Variants in UGT1A8 observed in about 807,000 individuals in gnomAD.
UGT1A8 encodes UDP-glucuronosyltransferase 1A8.
Under a neutral mutation model 45.3 loss-of-function variants are expected in UGT1A8, and 39 were observed. The observed-to-expected ratio is 0.86, with a 90% CI of 0.67 to 1.12. The LOEUF (loss-of-function observed/expected upper bound fraction) is 1.12. Ranked by LOEUF, UGT1A8 falls within the 50% of genes most tolerant of loss-of-function variation. UGT1A8 has a pLI of 0.00. For missense variants in UGT1A8, 719 were observed against 664.9 expected, an observed-to-expected ratio of 1.08 and a Z score of -0.90; for synonymous variants, 275 against 249.2, an observed-to-expected ratio of 1.10 and a Z score of -0.97.
rs541532523 is a variant in UGT1A8, at chr2:233,772,760, G to A, written c.*201G>A. The A allele has an allele frequency of 2.4e-5, 33 of 1,393,894 alleles. No homozygotes were observed. The South Asian group carries it at 2.9e-4, about 12-fold the overall frequency. The allele number at this position is 1,393,894 out of a possible 1,614,324, so 86.3% of individuals were successfully genotyped here. A position where few individuals can be genotyped will look rare whatever the true frequency, so the allele number is the denominator to read the frequency against. On this transcript the variant is annotated 3_prime_UTR_variant, in exon 5 of 5. Transcript: ENST00000373450. ...CAGTAAAGATATTTGAATATGTATC[G>A]TGCCCCCTCTGGTGTCTTTGATCAG...
chr2:233,769,458 C>G lies in UGT1A8; in HGVS notation c.1295+1019C>G, dbSNP rs896047328. On this transcript the variant is annotated intron_variant, in intron 4 of 4. Coordinates refer to ENST00000373450, the MANE Select transcript of UGT1A8 (RefSeq NM_019076.5). This position sits in a 1 kb window ranked among gnomAD's most constrained non-coding sequence, Gnocchi z 4.4. ...ATGTGTGGGTGCACACGTGTGCATTCATATGCGTGTGTGTGTGTGTGCGTG... is the reference window on the plus strand; with the variant it reads ...ATGTGTGGGTGCACACGTGTGCATTGATATGCGTGTGTGTGTGTGTGCGTG... The G allele has an allele frequency of 2.5e-6, 4 of 1,593,602 alleles. No individual in the cohort carries two copies. The African/African-American group carries it at 4.0e-5, about 16-fold the overall frequency.
At chr2:233,622,566 T>C (rs184213810) in intron 1 of UGT1A8, among the ~76,000 whole-genome samples, 5 of 152,318 alleles carry the variant, frequency 3.3e-5, no homozygotes, top group Admixed American at 6.5e-5. Flanking sequence ...TTGCCCACTT[T>C]TGATGGGGTT....
At chr2:233,724,531 C>G (rs557040072) in intron 1 of UGT1A8, among the ~76,000 whole-genome samples, 1 of 121,546 alleles carries the variant, frequency 8.2e-6, no homozygotes, top group African/African-American at 3.4e-5. Flanking sequence ...GGGGTCTCGC[C>G]GGGCAGAGGC....
chr2:233,693,900 T>C, intron 1 of UGT1A8: 4 of 1,613,588 alleles, frequency 2.5e-6, no homozygotes, highest in African/African-American at 1.3e-5. Context: ...CTGCCTTGTT[T>C]CTTCCAGGCT....
chr2:233,727,225 C>T (rs1417750017), intron 1 of UGT1A8, among the ~76,000 whole-genome samples: 8 of 152,168 alleles, frequency 5.3e-5, no homozygotes, highest in South Asian at 4.1e-4. Context: ...TCCACATATG[C>T]GGATGGCTCC....
intron 1 of UGT1A8, among the ~76,000 whole-genome samples, chr2:233,619,436 C>A (rs1013518762): frequency 1.3e-5 from 2 of 151,954 alleles, no homozygotes; most frequent in Admixed American, 6.6e-5. Flanking sequence ...TTTCTATATT[C>A]TTGCTTTTAT....
chr2:233,647,054 C>T (rs2073624214), intron 1 of UGT1A8, among the ~76,000 whole-genome samples: 1 of 152,174 alleles, frequency 6.6e-6, no homozygotes, highest in African/African-American at 2.4e-5. Context: ...TCACATCCTC[C>T]ATGGATGGCA....
At chr2:233,738,189 CCTCT>C (rs563579368) in intron 1 of UGT1A8, among the ~76,000 whole-genome samples, 82 of 152,188 alleles carry the variant, frequency 5.4e-4, no homozygotes, top group Non-Finnish European at 1.0e-3. Context: ...CGTGTCTTTG[CCTCT>C]CTCTCACTTT....
intron 1 of UGT1A8, chr2:233,730,077 T>G: frequency 1.2e-6 from 2 of 1,605,094 alleles, no homozygotes; most frequent in South Asian, 2.2e-5. Flanking sequence ...TGCTTCCATA[T>G]TTACTTATCT....
intron 1 of UGT1A8, among the ~76,000 whole-genome samples, chr2:233,701,976 G>A (rs1359333208): frequency 6.6e-6 from 1 of 151,918 alleles, no homozygotes; most frequent in Non-Finnish European, 1.5e-5. Context: ...CTAGTAAAAG[G>A]CAAGAAATAA....
chr2:233,689,103 G>C (rs2074926798), intron 1 of UGT1A8, among the ~76,000 whole-genome samples: 1 of 152,120 alleles, frequency 6.6e-6, no homozygotes, highest in Non-Finnish European at 1.5e-5. Context: ...CCTCCCCACT[G>C]CTCCTGGAAC....
intron 1 of UGT1A8, among the ~76,000 whole-genome samples, chr2:233,683,504 C>T (rs2074637285): frequency 6.6e-6 from 1 of 152,064 alleles, no homozygotes; most frequent in Non-Finnish European, 1.5e-5. Flanking sequence ...AGTAGGGTAT[C>T]ATCCTATGAG....
intron 1 of UGT1A8, among the ~76,000 whole-genome samples, chr2:233,632,769 A>G (rs2125455663): frequency 6.6e-6 from 1 of 152,310 alleles, no homozygotes; most frequent in Non-Finnish European, 1.5e-5. Flanking sequence ...CAATCATGTC[A>G]TCTGCAAACA....
intron 1 of UGT1A8, among the ~76,000 whole-genome samples, chr2:233,651,544 A>C (rs2073741848): frequency 6.6e-6 from 1 of 152,216 alleles, no homozygotes; most frequent in Non-Finnish European, 1.5e-5. Context: ...GAAAATTCTC[A>C]AAGAGGAATT....
chr2:233,772,775 T>C lies in UGT1A8; in HGVS notation c.*216T>C, dbSNP rs1450071408. On this transcript the variant is annotated 3_prime_UTR_variant, in exon 5 of 5. Transcript: ENST00000373450. ...AATATGTATCGTGCCCCCTCTGGTG[T>C]CTTTGATCAGGATGACATGTGCCAT... 2 of 1,313,948 alleles carry C rather than the reference T, an allele frequency of 1.5e-6. No homozygotes were observed. Among genetic ancestry groups the C allele is most frequent in the East Asian group, 2.7e-5 (1 of 37,564 alleles). 81.4% of individuals were successfully genotyped at this position (1,313,948 alleles called of 1,614,324 possible).
intron 1 of UGT1A8, among the ~76,000 whole-genome samples, chr2:233,720,871 ATTTTTT>A (rs60621337): frequency 7.5e-6 from 1 of 132,772 alleles, no homozygotes; most frequent in African/African-American, 2.9e-5. Flanking sequence ...GCTCCTGGCA[ATTTTTT>A]TTTTTTTTTT....
chr2:233,651,064 T>C (rs1282224580), intron 1 of UGT1A8, among the ~76,000 whole-genome samples: 1 of 152,210 alleles, frequency 6.6e-6, no homozygotes, highest in African/African-American at 2.4e-5. Context: ...ACAGGAAGAC[T>C]ACAGTTTTAG....
intron 1 of UGT1A8, chr2:233,719,069 A>G (rs774814247): frequency 7.4e-6 from 12 of 1,614,284 alleles, no homozygotes; most frequent in South Asian, 1.1e-5. Flanking sequence ...ATGCTGTTCC[A>G]TGGACCCAGA....
intron 1 of UGT1A8, among the ~76,000 whole-genome samples, chr2:233,664,327 T>C (rs2074033079): frequency 6.6e-6 from 1 of 152,190 alleles, no homozygotes; most frequent in Non-Finnish European, 1.5e-5. Context: ...AGTTCCAAAG[T>C]TGCTTCCAAA....
Sources: gnomAD v4.1 joint callset for allele counts (sites outside exome capture counted in the v4.1 genomes callset) on GRCh38, gnomAD v4.1.1 for gene constraint, Gnocchi (gnomAD v3.1) non-coding constraint, MANE v1.5 for transcripts, NCBI Gene and HGNC (gene_info 2026-07-23, HGNC 2026-07-21) for gene names.